NLGN1: variants seen among roughly 807,000 people sequenced by gnomAD.
NLGN1 encodes the protein neuroligin-1.
In NLGN1, 12 loss-of-function variants were observed where a neutral mutation model predicts 65.5. That is an observed-to-expected ratio of 0.18 (90% CI 0.12 to 0.30). The LOEUF (loss-of-function observed/expected upper bound fraction) is 0.30. Among genes scored for constraint, NLGN1 ranks in the 10% least tolerant of loss-of-function variants. NLGN1 has a pLI of 1.00. For missense variants in NLGN1, 750 were observed against 1,007.1 expected (o/e 0.74, Z 3.46); for synonymous variants, 350 against 359.5 (o/e 0.97, Z 0.30).
At chr3:173,784,242 G>A (rs547463641) in intron 3 of NLGN1, among the ~76,000 whole-genome samples, 17 of 152,216 alleles carry the variant, frequency 1.1e-4, no homozygotes, top group African/African-American at 3.9e-4. Context: ...TAAAACTTGA[G>A]TTTCAACAGA....
At chr3:173,401,484 CAAAT>C (rs1717696826) in intron 1 of NLGN1, among the ~76,000 whole-genome samples, 1 of 151,646 alleles carries the variant, frequency 6.6e-6, no homozygotes, top group Non-Finnish European at 1.5e-5. Context: ...ATTTAAAAAA[CAAAT>C]AAGAAGAAGG....
At chr3:174,136,317 A>T (rs1177406826) in intron 4 of NLGN1, 1 of 152,170 alleles carries the variant, frequency 6.6e-6, no homozygotes, top group Non-Finnish European at 1.5e-5. Context: ...GGAAATAACT[A>T]CATTTGAATA....
chr3:174,094,518 C>G (rs1177383529), intron 4 of NLGN1, among the ~76,000 whole-genome samples: 1 of 151,792 alleles, frequency 6.6e-6, no homozygotes, highest in Non-Finnish European at 1.5e-5. Flanking sequence ...CTTCAAACCC[C>G]TTGTCTCCTA....
At chr3:174,176,499 G>A (rs1023114713) in intron 4 of NLGN1, among the ~76,000 whole-genome samples, 1 of 151,986 alleles carries the variant, frequency 6.6e-6, no homozygotes, top group Non-Finnish European at 1.5e-5. Context: ...TCAGTGGTGA[G>A]ACTCCCTTTC....
At position 173,882,597 on chromosome 3, in the gene NLGN1, T is replaced by C. The variant is rs565270490; in HGVS notation, c.646+74765T>C. 2.2e-4 allele frequency among the ~76,000 whole-genome samples: 33 copies of C among 152,358 alleles called. 1 individual carries two copies. The South Asian group carries it at 6.6e-3, about 31-fold the overall frequency. ...TCTTTCAACCTCATGAATCAGTCTT[T>C]GCCAGCTTCCAACTTTTCTTTTGCA... is the stretch of plus-strand genomic sequence containing the variant. On this transcript the variant is annotated intron_variant, in intron 4 of 6. Transcript: ENST00000457714.
Position 174,250,805 on chromosome 3 carries a change from T to C in NLGN1, c.647-24510T>C, listed in dbSNP as rs1365502367. ...CCCAGAATATATAGATAATCAAATATTGATCACCCTTTCTACCCTTAGAGC... is the reference window on the plus strand; with the variant it reads ...CCCAGAATATATAGATAATCAAATACTGATCACCCTTTCTACCCTTAGAGC... On this transcript the variant is annotated intron_variant, in intron 4 of 6. Transcript: ENST00000457714. 2.6e-5 allele frequency among the ~76,000 whole-genome samples: 4 copies of C among 152,250 alleles called. No individual in the cohort carries two copies. The East Asian group carries it at 7.7e-4, about 29-fold the overall frequency.
chr3:174,155,928 G>C (rs1725362868), intron 4 of NLGN1, among the ~76,000 whole-genome samples: 1 of 151,832 alleles, frequency 6.6e-6, no homozygotes, highest in South Asian at 2.1e-4. Context: ...CCTTACAAGT[G>C]TTTCTGTCTT....
At chr3:173,757,292 G>A (rs938823713) in intron 3 of NLGN1, among the ~76,000 whole-genome samples, 2 of 151,954 alleles carry the variant, frequency 1.3e-5, no homozygotes, top group African/African-American at 4.8e-5. Context: ...TCAGCATTAT[G>A]TGACATACTG....
intron 4 of NLGN1, among the ~76,000 whole-genome samples, chr3:173,955,394 T>A (rs1250129051): frequency 6.6e-6 from 1 of 151,842 alleles, no homozygotes; most frequent in Non-Finnish European, 1.5e-5. Flanking sequence ...TGTAATGTTG[T>A]TAAAATGAGG....
At chr3:173,435,374 T>G (rs1717927856) in intron 2 of NLGN1, among the ~76,000 whole-genome samples, 3 of 152,178 alleles carry the variant, frequency 2.0e-5, no homozygotes, top group Admixed American at 1.3e-4. Context: ...GAAAATTTCT[T>G]TCCCTTTTTC....
intron 1 of NLGN1, among the ~76,000 whole-genome samples, chr3:173,412,749 G>C (rs1712846173): frequency 6.6e-6 from 1 of 152,088 alleles, no homozygotes; most frequent in Non-Finnish European, 1.5e-5. Context: ...TCTTAGTACT[G>C]CTCAGCCTTC....
intron 2 of NLGN1, among the ~76,000 whole-genome samples, chr3:173,490,813 C>T (rs1269849014): frequency 6.6e-6 from 1 of 151,942 alleles, no homozygotes; most frequent in Admixed American, 6.6e-5. Context: ...CCTTCACATC[C>T]CTTGTAAGTT....
At chr3:173,452,961 A>G (rs1419661718) in intron 2 of NLGN1, among the ~76,000 whole-genome samples, 1 of 152,234 alleles carries the variant, frequency 6.6e-6, no homozygotes, top group African/African-American at 2.4e-5. Flanking sequence ...ATTGCTAAAC[A>G]GTACTAATGA....
intron 4 of NLGN1, among the ~76,000 whole-genome samples, chr3:174,197,752 G>A (rs1297133490): frequency 1.2e-4 from 1 of 8,052 alleles, no homozygotes; most frequent in African/African-American, 9.7e-4. Flanking sequence ...CCATTATCTC[G>A]TGTGTGTGTG....
chr3:173,843,032 A>G (rs1271252831), intron 4 of NLGN1, among the ~76,000 whole-genome samples: 1 of 152,198 alleles, frequency 6.6e-6, no homozygotes, highest in African/African-American at 2.4e-5. Context: ...GGAAGTTCCC[A>G]AACCCCAAAT....
intron 4 of NLGN1, among the ~76,000 whole-genome samples, chr3:173,835,735 A>G (rs1471395375): frequency 1.3e-5 from 2 of 152,112 alleles, no homozygotes; most frequent in Non-Finnish European, 2.9e-5. Flanking sequence ...ATCAAAGAAT[A>G]TAAATGTTTC....
At chr3:174,095,537 A>C (rs972304309) in intron 4 of NLGN1, among the ~76,000 whole-genome samples, 13 of 151,102 alleles carry the variant, frequency 8.6e-5, no homozygotes, top group South Asian at 2.1e-4. Context: ...ATATATCTAT[A>C]TATATATATA....
chr3:173,758,713 A>G (rs972954936), intron 3 of NLGN1, among the ~76,000 whole-genome samples: 3 of 151,998 alleles, frequency 2.0e-5, no homozygotes, highest in South Asian at 2.1e-4. Context: ...ATTTGTAGCA[A>G]TTCTTTAAGT....
Position 174,177,594 on chromosome 3 carries a change from C to A in NLGN1, c.647-97721C>A, listed in dbSNP as rs1357196686. Among the ~76,000 whole-genome samples, 6 of 151,978 alleles carry A rather than the reference C, an allele frequency of 3.9e-5. No individual in the cohort carries two copies. In the East Asian group the frequency reaches 1.2e-3, roughly 29 times the overall value. On this transcript the variant is annotated intron_variant, in intron 4 of 6. Coordinates refer to ENST00000457714, the Ensembl canonical transcript of NLGN1. ...TTAGTTAAATTTATGGAATAGAGTT[C>A]TTTTCAGTTTAACAGTTAAGAGTAA...
Sources: gnomAD v4.1 joint callset for allele counts (sites outside exome capture counted in the v4.1 genomes callset) on GRCh38, gnomAD v4.1.1 for gene constraint, MANE v1.5 for transcripts, NCBI Gene and HGNC (gene_info 2026-07-23, HGNC 2026-07-21) for gene names.